Variants in LMLN observed in about 807,000 individuals in gnomAD.
LMLN encodes the protein leishmanolysin like peptidase, also known as leishmanolysin-like peptidase.
LMLN carries 70 observed loss-of-function variants against 92.3 expected under a neutral mutation model. The observed-to-expected ratio is 0.76, with a 90% confidence interval of 0.63 to 0.92. The LOEUF (loss-of-function observed/expected upper bound fraction) is 0.92. LMLN is among the 40% of genes least tolerant of loss of function. The probability of loss-of-function intolerance (pLI) is 0.00; values close to 1 mark genes in which losing one functional copy is unlikely to be tolerated. For synonymous variants in LMLN, 308 were observed against 296.2 expected, an observed-to-expected ratio of 1.04 and a Z score of -0.41; for missense variants, 691 against 814.6, an observed-to-expected ratio of 0.85 and a Z score of 1.85.
chr3:198,037,976 C>G (rs1723279497), intron 15 of LMLN, among the ~76,000 whole-genome samples: 1 of 151,722 alleles, frequency 6.6e-6, no homozygotes, highest in Non-Finnish European at 1.5e-5. Flanking sequence ...CTTGCATCCT[C>G]ACAGTCCGTC....
intron 15 of LMLN, among the ~76,000 whole-genome samples, chr3:198,037,901 G>A (rs1399863641): frequency 6.6e-6 from 1 of 152,166 alleles, no homozygotes; most frequent in Non-Finnish European, 1.5e-5. Context: ...AGAAATAGGG[G>A]ACCATATGTT....
rs574657139 is a variant in LMLN at position 198,010,028 on chromosome 3, T to C, written c.1233-9225T>C. ...TCTAGAGGTTTGCCAATTTTACTGA[T>C]CTTAAAGAACCAGCTTTTTGTATTG... is the stretch of plus-strand genomic sequence containing the variant. On this transcript the variant is annotated intron_variant, in intron 11 of 15. Transcript: ENST00000330198. Among the ~76,000 whole-genome samples, 4 of 152,328 alleles carry C rather than the reference T, an allele frequency of 2.6e-5. No homozygotes were observed. In the East Asian group the frequency reaches 7.7e-4, roughly 29 times the overall value.
chr3:198,007,284 T>C (rs767298803), intron 11 of LMLN, among the ~76,000 whole-genome samples: 12 of 152,250 alleles, frequency 7.9e-5, no homozygotes, highest in Admixed American at 1.3e-4. Context: ...AGTTTTCTTA[T>C]GTTTTTTTCA....
exon 13 of LMLN, chr3:198,021,548 C>T (rs774853252): frequency 3.7e-6 from 6 of 1,614,054 alleles, no homozygotes; most frequent in Non-Finnish European, 5.1e-6. Flanking sequence ...ATTCAGTTGG[C>T]ATTTAAGTGG....
At chr3:198,001,354 C>T (rs949029905) in intron 11 of LMLN, among the ~76,000 whole-genome samples, 3 of 152,112 alleles carry the variant, frequency 2.0e-5, no homozygotes, top group African/African-American at 7.2e-5. Context: ...TGCAAAGAAA[C>T]GGTTATCAGG....
chr3:198,020,284 C>T (rs966161482), intron 12 of LMLN, among the ~76,000 whole-genome samples: 1 of 152,200 alleles, frequency 6.6e-6, no homozygotes, highest in African/African-American at 2.4e-5. Context: ...GCGTGAGCCA[C>T]CATATGCCTG....
chr3:197,979,583 C>T (rs151130725), intron 5 of LMLN, among the ~76,000 whole-genome samples: 1,782 of 152,030 alleles, frequency 0.012, 18 homozygotes, highest in Middle Eastern at 0.024. Context: ...TTTGGGAGGC[C>T]GAGACAGGCC....
intron 14 of LMLN, among the ~76,000 whole-genome samples, chr3:198,028,046 A>G (rs1722981691): frequency 6.6e-6 from 1 of 152,176 alleles, no homozygotes; most frequent in Non-Finnish European, 1.5e-5. Flanking sequence ...ATTTAAGTGG[A>G]AGGTACAGAG....
intron 11 of LMLN, among the ~76,000 whole-genome samples, chr3:198,008,849 G>C (rs1722361900): frequency 6.6e-6 from 1 of 152,104 alleles, no homozygotes; most frequent in Admixed American, 6.5e-5. Context: ...GTCACTTTGA[G>C]TTCAAAATAT....
At chr3:197,999,410 TAAG>T in intron 11 of LMLN, 68 bp downstream of exon 11, 1 of 1,102,908 alleles carries the variant, frequency 9.1e-7, no homozygotes, top group Non-Finnish European at 1.4e-6. Context: ...GCTTATAGCT[TAAG>T]AAAATGCTGA....
intron 3 of LMLN, among the ~76,000 whole-genome samples, chr3:197,975,370 T>C (rs1055635525): frequency 2.0e-5 from 3 of 152,208 alleles, no homozygotes; most frequent in African/African-American, 7.2e-5. Context: ...AAAAACAATT[T>C]TTGAAACACA....
chr3:197,974,422 G>A (rs1047855089), exon 2 of LMLN: 17 of 1,597,408 alleles, frequency 1.1e-5, no homozygotes, highest in Non-Finnish European at 1.4e-5. Context: ...GGTCAAGAGA[G>A]ATGTTGATGA....
At chr3:198,014,555 C>T (rs369768010) in intron 11 of LMLN, among the ~76,000 whole-genome samples, 1 of 78,270 alleles carries the variant, frequency 1.3e-5, no homozygotes, top group Non-Finnish European at 2.6e-5. Context: ...AGCCCCCTAA[C>T]TAGTCTAACT....
intron 9 of LMLN, among the ~76,000 whole-genome samples, chr3:197,992,128 C>T (rs1721892694): frequency 6.6e-6 from 1 of 151,728 alleles, no homozygotes; most frequent in African/African-American, 2.4e-5. Flanking sequence ...ATTTCTTCCT[C>T]CCCTCATCTC....
intron 13 of LMLN, 146 bp from the exon 15 acceptor site, chr3:198,024,512 G>C (rs922074011): frequency 7.2e-6 from 5 of 699,024 alleles, no homozygotes; most frequent in Non-Finnish European, 1.1e-5. Flanking sequence ...ACCGTGCCCA[G>C]CCTACCCTAA....
chr3:197,966,637 C>G (rs1454140274), intron 1 of LMLN, among the ~76,000 whole-genome samples: 1 of 148,182 alleles, frequency 6.7e-6, no homozygotes, highest in East Asian at 2.0e-4. Flanking sequence ...TTCTTCTTTA[C>G]TCTGTTGATA....
chr3:198,008,847 G>A (rs977840096), intron 11 of LMLN, among the ~76,000 whole-genome samples: 12 of 151,988 alleles, frequency 7.9e-5, no homozygotes, highest in African/African-American at 2.7e-4. Context: ...GTGTCACTTT[G>A]AGTTCAAAAT....
At chr3:198,000,845 G>C (rs1722152620) in intron 11 of LMLN, among the ~76,000 whole-genome samples, 1 of 152,140 alleles carries the variant, frequency 6.6e-6, no homozygotes, top group South Asian at 2.1e-4. Context: ...CCTGAGCTAA[G>C]GCTTCATGAA....
At chr3:198,018,019 C>T (rs906246947) in intron 11 of LMLN, among the ~76,000 whole-genome samples, 7 of 152,192 alleles carry the variant, frequency 4.6e-5, no homozygotes, top group African/African-American at 1.7e-4. Context: ...CACCTTTTCC[C>T]GCTCTCTTGA....
Sources: allele counts gnomAD v4.1 joint callset (sites outside exome capture counted in the v4.1 genomes callset), GRCh38; gene constraint gnomAD v4.1.1; transcripts MANE v1.5; gene names NCBI Gene and HGNC (gene_info 2026-07-23, HGNC 2026-07-21).